The following VGLL4 variants were observed in gnomAD, a reference collection of about 807,000 sequenced individuals.
VGLL4 encodes transcription cofactor vestigial-like protein 4.
In VGLL4, 7 loss-of-function variants were observed where a neutral mutation model predicts 21.0. The observed-to-expected ratio is 0.33, with a 90% CI of 0.19 to 0.63. The LOEUF is 0.63. VGLL4 is among the 20% of genes least tolerant of loss of function. VGLL4 has a pLI of 0.78. For synonymous variants in VGLL4, 222 were observed against 173.2 expected (o/e 1.28, Z -2.21); for missense variants, 394 against 425.7 (o/e 0.93, Z 0.66).
At chr3:11,666,634 T>C (rs2076131282) in intron 2 of VGLL4, among the ~76,000 whole-genome samples, 1 of 152,224 alleles carries the variant, frequency 6.6e-6, no homozygotes. Flanking sequence ...CGAGGATGAC[T>C]GTAAACTTTC....
intron 2 of VGLL4, among the ~76,000 whole-genome samples, chr3:11,592,713 C>T (rs1157217967): frequency 6.6e-6 from 1 of 152,122 alleles, no homozygotes; most frequent in Admixed American, 6.5e-5. Context: ...GATCACACAG[C>T]CTGAGTTTTG....
intron 2 of VGLL4, among the ~76,000 whole-genome samples, chr3:11,699,302 C>A (rs760162371): frequency 5.9e-5 from 9 of 152,162 alleles, no homozygotes; most frequent in Non-Finnish European, 1.2e-4. Context: ...AAATACAATG[C>A]CTGGTTTTCG....
chr3:11,712,759 A>G (rs1209140615), intron 1 of VGLL4, among the ~76,000 whole-genome samples: 1 of 152,122 alleles, frequency 6.6e-6, no homozygotes, highest in Admixed American at 6.6e-5. Flanking sequence ...ATTAGCAAGC[A>G]CGACTTCTAG....
At chr3:11,630,871 A>G (rs1027164222) in intron 1 of VGLL4, among the ~76,000 whole-genome samples, 1 of 152,202 alleles carries the variant, frequency 6.6e-6, no homozygotes, top group Non-Finnish European at 1.5e-5. Context: ...ACACTGTACA[A>G]CAAAGTGTAC....
intron 2 of VGLL4, among the ~76,000 whole-genome samples, chr3:11,600,764 G>A (rs1301644091): frequency 6.6e-6 from 1 of 152,174 alleles, no homozygotes; most frequent in Non-Finnish European, 1.5e-5. Flanking sequence ...GCCCTCACAG[G>A]AAGGTATTCC....
intron 2 of VGLL4, among the ~76,000 whole-genome samples, chr3:11,579,437 CTCAT>C (rs1179017846): frequency 6.6e-6 from 1 of 152,160 alleles, no homozygotes; most frequent in Non-Finnish European, 1.5e-5. Context: ...TTAAAATAGT[CTCAT>C]TTTCAAATTC....
At chr3:11,663,733 A>T (rs9830545) in intron 2 of VGLL4, among the ~76,000 whole-genome samples, 5,915 of 152,194 alleles carry the variant, frequency 0.039, 365 homozygotes, top group African/African-American at 0.13. Context: ...AAAAAAGTAA[A>T]ATAAAATAAA....
Position 11,558,495 on chromosome 3 carries a change from T to C in VGLL4, c.*61A>G, listed in dbSNP as rs542555092. On this transcript the variant is annotated 3_prime_UTR_variant, in exon 5 of 5. Transcript: ENST00000430365. ...CCATGATTTTTTTTTTTTTAAGTAC[T>C]GACTGTTCAAAGCTCAGGCAAACCA... The C allele has an allele frequency of 7.4e-5, 78 of 1,060,732 alleles. No homozygotes were observed. In the East Asian group the frequency reaches 3.3e-3, roughly 45 times the overall value. The allele number at this position is 1,060,732 out of a possible 1,614,324, so 65.7% of individuals were successfully genotyped here.
chr3:11,569,001 G>C (rs2073665573), intron 2 of VGLL4: 1 of 1,023,394 alleles, frequency 9.8e-7, no homozygotes, highest in Non-Finnish European at 1.2e-6. Context: ...CCATCATCCA[G>C]GACAGAGCTT....
At chr3:11,713,768 T>C (rs780384332) in intron 1 of VGLL4, among the ~76,000 whole-genome samples, 2 of 151,810 alleles carry the variant, frequency 1.3e-5, no homozygotes, top group Admixed American at 6.6e-5. Context: ...GGAGGCTGTA[T>C]AGCAGGAACA....
intron 3 of VGLL4, among the ~76,000 whole-genome samples, chr3:11,561,267 A>G (rs2072974128): frequency 6.6e-6 from 1 of 152,196 alleles, no homozygotes; most frequent in Non-Finnish European, 1.5e-5. Flanking sequence ...AGGAAGATGA[A>G]GAAATGAGCT....
In VGLL4 at chr3:11,643,706, A is replaced by T. The variant is rs966662081; in HGVS notation, c.-188T>A. The T allele has an allele frequency of 6.3e-6, 9 of 1,421,636 alleles. No homozygotes were observed. In the African/African-American group the frequency reaches 1.3e-4, roughly 21 times the overall value. 88.1% of individuals were successfully genotyped at this position (1,421,636 alleles called of 1,614,324 possible). A position where few individuals can be genotyped will look rare whatever the true frequency, so the allele number is the denominator to read the frequency against. On this transcript the variant is annotated 5_prime_UTR_variant, in exon 1 of 5. Coordinates refer to ENST00000430365, the MANE Select transcript of VGLL4 (RefSeq NM_001128219.3). ...AATCAGGCACAAAAAAATCGAGCTC[A>T]CACGAAACCCTTCAAGGGCTTACTG...
In VGLL4 at chr3:11,708,048, G is replaced by A. The variant is rs575128136; in HGVS notation, c.-13-5001C>T. Among the ~76,000 whole-genome samples the A allele has an allele frequency of 3.2e-4, 48 of 152,238 alleles. No individual in the cohort carries two copies. The South Asian group carries it at 6.6e-3, about 21-fold the overall frequency. On this transcript the variant is annotated intron_variant, in intron 1 of 5. Transcript: ENST00000273038. ...TATTTCAGCATCAAATTAGCATCAGGATTAATATGAATCCAGGTAAACCAC... is the reference window on the plus strand; with the variant it reads ...TATTTCAGCATCAAATTAGCATCAGAATTAATATGAATCCAGGTAAACCAC...
chr3:11,650,223 C>A (rs2075851207), intron 2 of VGLL4, among the ~76,000 whole-genome samples: 1 of 152,202 alleles, frequency 6.6e-6, no homozygotes, highest in Non-Finnish European at 1.5e-5. Context: ...GCATGAGCCA[C>A]CACGCCTGGC....
intron 1 of VGLL4, chr3:11,610,556 G>A (rs1007101344): frequency 1.3e-5 from 2 of 152,302 alleles, no homozygotes; most frequent in Admixed American, 6.5e-5. Flanking sequence ...GCCTGACCTC[G>A]CCTCGGGGGA....
intron 2 of VGLL4, among the ~76,000 whole-genome samples, chr3:11,570,482 G>A (rs144063780): frequency 3.2e-4 from 48 of 152,276 alleles, no homozygotes; most frequent in African/African-American, 9.4e-4. Context: ...GTGCACTCCC[G>A]GGAAGGCTGA....
rs1435271896 is a variant in VGLL4 at position 11,719,888 on chromosome 3, A to C, written c.-14+506T>G. On this transcript the variant is annotated intron_variant, in intron 1 of 5. Coordinates refer to the VGLL4 transcript ENST00000273038. The surrounding 1 kb of genome is among the most constrained non-coding windows in gnomAD (Gnocchi z 4.0). Reference sequence around the variant, plus strand: ...AGGTTTGTCGGGGCGGGCGCTCCCGAGAGGCGCCAGCGGGCAGGGCGAGTG... The same window carrying C: ...AGGTTTGTCGGGGCGGGCGCTCCCGCGAGGCGCCAGCGGGCAGGGCGAGTG... Among the ~76,000 whole-genome samples the C allele has an allele frequency of 6.6e-6, 1 of 151,844 alleles. No individual in the cohort carries two copies. Among genetic ancestry groups the C allele is most frequent in the Non-Finnish European group, 1.5e-5 (1 of 67,934 alleles).
In VGLL4 at chr3:11,583,041, C is replaced by G. The variant is rs139030882; in HGVS notation, c.273-18022G>C. ...TAAGTCTGCAGATGTCTTAGCCATA[C>G]GCCAGCATCAAGTAGCCCGGAGAAG... On this transcript the variant is annotated intron_variant, in intron 2 of 4. Coordinates refer to ENST00000430365, the MANE Select transcript of VGLL4 (RefSeq NM_001128219.3). 1.6e-3 allele frequency among the ~76,000 whole-genome samples: 244 copies of G among 152,266 alleles called. 1 individual carries two copies. Among genetic ancestry groups the G allele is most frequent in the African/African-American group, 5.5e-3 (229 of 41,556 alleles).
chr3:11,616,060 C>T (rs908696026), intron 1 of VGLL4, among the ~76,000 whole-genome samples: 8 of 152,102 alleles, frequency 5.3e-5, no homozygotes, highest in African/African-American at 1.7e-4. Flanking sequence ...ATTGGATTGC[C>T]GGAGTAAAGG....
Sources: allele counts gnomAD v4.1 joint callset (sites outside exome capture counted in the v4.1 genomes callset), GRCh38; gene constraint gnomAD v4.1.1; non-coding constraint Gnocchi (gnomAD v3.1); transcripts MANE v1.5; gene names NCBI Gene and HGNC (gene_info 2026-07-23, HGNC 2026-07-21).